DNAH9: variants seen among roughly 807,000 people sequenced by gnomAD.
DNAH9 encodes DNAH9 variant protein.
Under a neutral mutation model 471.6 loss-of-function variants are expected in DNAH9, and 345 were observed. That is an observed-to-expected ratio of 0.73 (90% CI 0.67 to 0.80). The LOEUF is 0.80. DNAH9 is among the 30% of genes least tolerant of loss of function. The probability of loss-of-function intolerance (pLI) is 0.00; values close to 1 mark genes in which losing one functional copy is unlikely to be tolerated. For missense variants in DNAH9, 5,407 were observed against 5,609.2 expected (o/e 0.96, Z 1.15); for synonymous variants, 2,093 against 2,123.6 (o/e 0.99, Z 0.40).
At chr17:11,821,008 G>A (rs9896438) in intron 45 of DNAH9, among the ~76,000 whole-genome samples, 7,532 of 152,102 alleles carry the variant, frequency 0.05, 624 homozygotes, top group African/African-American at 0.17. Flanking sequence ...CTGGCCAGGC[G>A]CAGTGGCTCA....
At chr17:11,765,063 T>C (rs1448778018) in intron 36 of DNAH9, among the ~76,000 whole-genome samples, 1 of 152,170 alleles carries the variant, frequency 6.6e-6, no homozygotes, top group Non-Finnish European at 1.5e-5. Context: ...TAACTTAACC[T>C]CTCTCTACCT....
At position 11,679,846 on chromosome 17, in the gene DNAH9, T is replaced by A. The variant is rs2150740428; in HGVS notation, c.3443T>A (p.Ile1148Asn). The part of the protein sequence containing the change: ...EKGDFQGLVE[I>N]MGHLMAVKER... ...GGAGATTTCCAAGGCTTGGTTGAGA[T>A]CATGGGACACCTTATGGCTGTTAAA... is the stretch of plus-strand genomic sequence containing the variant. Residue 1148 changes from isoleucine to asparagine, a missense_variant, in exon 18 of 69, where the codon ATC becomes AAC. Coordinates refer to ENST00000262442, the MANE Select transcript of DNAH9 (RefSeq NM_001372.4). The A allele has an allele frequency of 6.2e-7, 1 of 1,614,096 alleles. No homozygotes were observed. Among genetic ancestry groups the A allele is most frequent in the Non-Finnish European group, 8.5e-7 (1 of 1,180,008 alleles).
Position 11,603,803 on chromosome 17 carries a change from A to T in DNAH9, c.418-4326A>T, listed in dbSNP as rs190550571. On this transcript the variant is annotated intron_variant, in intron 1 of 68. Coordinates refer to ENST00000262442, the MANE Select transcript of DNAH9 (RefSeq NM_001372.4). The stretch of plus-strand genomic sequence containing the variant: ...GACTTTCTCACTTCACAGAAGAGGA[A>T]TAAAATAACGTGTCAATGTTTCTGA... Among the ~76,000 whole-genome samples, 131 of 152,318 alleles carry T rather than the reference A, an allele frequency of 8.6e-4. 1 individual carries two copies. The South Asian group carries it at 9.5e-3, about 11-fold the overall frequency.
At chr17:11,873,229 GCT>G (rs1335612866) in intron 52 of DNAH9, among the ~76,000 whole-genome samples, 1 of 152,228 alleles carries the variant, frequency 6.6e-6, no homozygotes, top group African/African-American at 2.4e-5. Flanking sequence ...AAGAAGAAGA[GCT>G]CAGTAGCAGC....
intron 61 of DNAH9, among the ~76,000 whole-genome samples, chr17:11,921,678 T>A (rs1974143136): frequency 6.6e-6 from 1 of 152,158 alleles, no homozygotes; most frequent in African/African-American, 2.4e-5. Flanking sequence ...GAGGCTCACA[T>A]GGGATGCGGC....
chr17:11,659,510 G>A (rs1192344615), intron 14 of DNAH9, among the ~76,000 whole-genome samples: 1 of 152,160 alleles, frequency 6.6e-6, no homozygotes. Flanking sequence ...AGGCATCAGG[G>A]CATAAAACCC....
intron 43 of DNAH9, among the ~76,000 whole-genome samples, chr17:11,801,852 T>A (rs973372552): frequency 1.8e-4 from 27 of 152,304 alleles, no homozygotes; most frequent in Non-Finnish European, 2.8e-4. Flanking sequence ...TCCATCAATG[T>A]GGCTTCCAAC....
intron 67 of DNAH9, among the ~76,000 whole-genome samples, chr17:11,956,881 T>C (rs1018903284): frequency 6.6e-6 from 1 of 150,436 alleles, no homozygotes; most frequent in Admixed American, 6.6e-5. Flanking sequence ...AGGAAAAAAA[T>C]GGCAAAACAA....
chr17:11,664,965 A>G lies in DNAH9; in HGVS notation c.2728A>G (p.Thr910Ala). 6.2e-7 allele frequency: 1 copy of G among 1,611,738 alleles called. No homozygotes were observed. The highest frequency in any genetic ancestry group is 8.5e-7 in the Non-Finnish European group (1 of 1,178,732). The change falls in exon 15 of 69, where the codon ACT becomes GCT. Residue 910 changes from threonine to alanine, a missense_variant. Around this residue, in one of 3 missense-constraint regions of DNAH9, gnomAD observed 4,636 missense variants for 4,900.3 expected, o/e 0.95. Coordinates refer to ENST00000262442, the MANE Select transcript of DNAH9 (RefSeq NM_001372.4). Reference protein sequence around the residue: ...ECSLKYLLENTECKAGLTPIF... With the variant: ...ECSLKYLLENAECKAGLTPIF... ...CTCCCTCAAGTATCTTCTGGAAAATACTGGTACTTACTGGCTTATGGATGT... is the reference window on the plus strand; with the variant it reads ...CTCCCTCAAGTATCTTCTGGAAAATGCTGGTACTTACTGGCTTATGGATGT...
At chr17:11,705,002 C>A (rs2074674672) in intron 25 of DNAH9, 23 bp from the exon 26 acceptor site, 1 of 1,610,606 alleles carries the variant, frequency 6.2e-7, no homozygotes, top group Admixed American at 1.7e-5. Context: ...ATTCACCCAC[C>A]TACTCTACCA....
chr17:11,850,896 G>A (rs930489259), intron 49 of DNAH9, among the ~76,000 whole-genome samples: 1 of 152,088 alleles, frequency 6.6e-6, no homozygotes, highest in Admixed American at 6.6e-5. Context: ...TGGACACTGG[G>A]GCTTCCATGG....
intron 38 of DNAH9, among the ~76,000 whole-genome samples, chr17:11,773,076 A>C (rs1968276550): frequency 6.6e-6 from 1 of 152,236 alleles, no homozygotes; most frequent in African/African-American, 2.4e-5. Context: ...GAATTTGGAG[A>C]ATCAGCTGAA....
In DNAH9 at chr17:11,933,834, G is replaced by GT. The variant is rs1196534721; in HGVS notation, c.12298-45dup. 18 of 1,570,634 alleles carry GT rather than the reference G, an allele frequency of 1.1e-5. No homozygotes were observed. In the African/African-American group the frequency reaches 2.3e-4, roughly 20 times the overall value. On this transcript the variant is annotated intron_variant, in intron 64 of 68. Coordinates refer to ENST00000262442, the MANE Select transcript of DNAH9 (RefSeq NM_001372.4). ...ATGGGAGGCCAGCCCCGACGCCTGT[G>GT]TGGAGGTCTTTCTTCCTTCCTCTCT...
rs556053721 is a variant in DNAH9, at chr17:11,626,493, C to A, written c.1351-2924C>A. ...ATCAAACTTATTAAAACCCCTTCAG[C>A]GATGGAGAGCTCCCTCCCTCTCTTT... On this transcript the variant is annotated intron_variant, in intron 6 of 68. Transcript: ENST00000262442. This position sits in a 1 kb window ranked among gnomAD's most constrained non-coding sequence, Gnocchi z 4.3. 2.6e-5 allele frequency among the ~76,000 whole-genome samples: 4 copies of A among 152,178 alleles called. No individual in the cohort carries two copies. Among genetic ancestry groups the A allele is most frequent in the African/African-American group, 9.6e-5 (4 of 41,456 alleles).
At chr17:11,792,848 C>A (rs1460940828) in intron 41 of DNAH9, among the ~76,000 whole-genome samples, 4 of 152,318 alleles carry the variant, frequency 2.6e-5, no homozygotes, top group African/African-American at 7.2e-5. Context: ...GTTAGGAAGG[C>A]AACTTACTCT....
At chr17:11,808,779 C>G (rs1232537782) in intron 44 of DNAH9, among the ~76,000 whole-genome samples, 1 of 152,142 alleles carries the variant, frequency 6.6e-6, no homozygotes, top group African/African-American at 2.4e-5. Flanking sequence ...AATACTGATG[C>G]CTGTGTCCCA....
intron 42 of DNAH9, among the ~76,000 whole-genome samples, chr17:11,796,205 T>C (rs997862343): frequency 2.6e-5 from 4 of 152,382 alleles, no homozygotes; most frequent in Admixed American, 1.3e-4. Flanking sequence ...AATTGACTAA[T>C]ATGAGAACTG....
intron 8 of DNAH9, among the ~76,000 whole-genome samples, chr17:11,635,663 T>C (rs2073149209): frequency 6.6e-6 from 1 of 152,124 alleles, no homozygotes; most frequent in Non-Finnish European, 1.5e-5. Context: ...TAAATATAAC[T>C]GGAGTCCTAC....
intron 12 of DNAH9, 103 bp downstream of exon 12, chr17:11,647,301 T>C: frequency 8.3e-7 from 1 of 1,210,190 alleles, no homozygotes. Context: ...AGACGGAGTT[T>C]CACTCTTGTC....
Sources: gnomAD v4.1 joint callset for allele counts (sites outside exome capture counted in the v4.1 genomes callset) on GRCh38, gnomAD v4.1.1 for gene constraint, gnomAD v4.1.1 regional missense constraint, Gnocchi (gnomAD v3.1) non-coding constraint, MANE v1.5 for transcripts, NCBI Gene and HGNC (gene_info 2026-07-23, HGNC 2026-07-21) for gene names.